PHACTR1: variants seen among roughly 807,000 people sequenced by gnomAD.
PHACTR1 encodes RPEL repeat containing 1.
Under a neutral mutation model 69.2 loss-of-function variants are expected in PHACTR1, and 16 were observed. The ratio of observed to expected loss-of-function variants is 0.23; its 90% confidence interval spans 0.16 to 0.35. The LOEUF (loss-of-function observed/expected upper bound fraction) is 0.35. Ranked by LOEUF, PHACTR1 falls within the 10% of genes least tolerant of loss-of-function variation. PHACTR1 has a pLI of 1.00. For missense variants in PHACTR1, 510 were observed against 734.7 expected (o/e 0.69, Z 3.54); for synonymous variants, 312 against 284.5 (o/e 1.10, Z -0.97).
At chr6:13,168,191 C>G (rs968154656) in intron 6 of PHACTR1, among the ~76,000 whole-genome samples, 2 of 152,184 alleles carry the variant, frequency 1.3e-5, no homozygotes, top group Non-Finnish European at 2.9e-5. Flanking sequence ...CATCAACAAC[C>G]TATAATCATT....
chr6:13,170,170 C>T (rs767339451), intron 6 of PHACTR1, among the ~76,000 whole-genome samples: 2 of 152,092 alleles, frequency 1.3e-5, no homozygotes, highest in African/African-American at 2.4e-5. Context: ...TTGATGACAG[C>T]AAGAAAATTT....
At chr6:13,113,757 C>T (rs946110433) in intron 5 of PHACTR1, among the ~76,000 whole-genome samples, 8 of 152,240 alleles carry the variant, frequency 5.3e-5, no homozygotes, top group African/African-American at 1.4e-4. Context: ...TGGCCCTGTC[C>T]GGTGTAGGAA....
In PHACTR1 at chr6:12,735,077, G is replaced by T. The variant is rs566501426; in HGVS notation, c.104-14567G>T. 3.9e-4 allele frequency among the ~76,000 whole-genome samples: 60 copies of T among 152,312 alleles called. No homozygotes were observed. The South Asian group carries it at 0.011, about 28-fold the overall frequency. On this transcript the variant is annotated intron_variant, in intron 3 of 14. Transcript: ENST00000332995. Reference sequence around the variant, plus strand: ...GTCTTAGCTGGGCTGTTGGGGTTTAGGGTCTGAGGTGACAGTCACGAGGTT... The same window carrying T: ...GTCTTAGCTGGGCTGTTGGGGTTTATGGTCTGAGGTGACAGTCACGAGGTT...
In PHACTR1 at chr6:12,946,422, G is replaced by A. The variant is rs112788987; in HGVS notation, c.251-106943G>A. Among the ~76,000 whole-genome samples the A allele has an allele frequency of 3.9e-3, 597 of 152,246 alleles. 3 individuals carry two copies. Among genetic ancestry groups the A allele is most frequent in the African/African-American group, 0.013 (556 of 41,544 alleles). ...GTGGCGGTGTGAAAAACAAAGCTCCGAGATATGAGCGATTTGCAAATGGGA... is the reference window on the plus strand; with the variant it reads ...GTGGCGGTGTGAAAAACAAAGCTCCAAGATATGAGCGATTTGCAAATGGGA... On this transcript the variant is annotated intron_variant, in intron 4 of 14. Transcript: ENST00000332995.
At chr6:12,930,416 GAGGCTA>G (rs1425552822) in intron 4 of PHACTR1, among the ~76,000 whole-genome samples, 1 of 152,198 alleles carries the variant, frequency 6.6e-6, no homozygotes, top group Admixed American at 6.5e-5. Flanking sequence ...CCTAAGAGCT[GAGGCTA>G]GGTCCTCAAA....
chr6:12,879,715 A>T (rs1782893576), intron 4 of PHACTR1, among the ~76,000 whole-genome samples: 1 of 152,168 alleles, frequency 6.6e-6, no homozygotes, highest in African/African-American at 2.4e-5. Context: ...GAAACAGATA[A>T]TATTATTATT....
chr6:13,168,841 G>C (rs1358502076), intron 6 of PHACTR1, among the ~76,000 whole-genome samples: 1 of 152,180 alleles, frequency 6.6e-6, no homozygotes, highest in East Asian at 1.9e-4. Flanking sequence ...TGTAAGGAAA[G>C]GGGGAGTCAG....
intron 4 of PHACTR1, among the ~76,000 whole-genome samples, chr6:12,790,172 C>T (rs1772084345): frequency 6.6e-6 from 1 of 152,096 alleles, no homozygotes; most frequent in South Asian, 2.1e-4. Context: ...GTGAAAAACC[C>T]CTTGGTCAAT....
At chr6:12,981,710 A>G (rs995627383) in intron 4 of PHACTR1, among the ~76,000 whole-genome samples, 3 of 152,226 alleles carry the variant, frequency 2.0e-5, no homozygotes, top group Non-Finnish European at 4.4e-5. Flanking sequence ...GAACTGGTTG[A>G]AACAGGAAGT....
rs143778750 is a variant in PHACTR1, at chr6:13,225,418, A to C, written c.987-2398A>C. Among the ~76,000 whole-genome samples, 341 of 152,272 alleles carry C rather than the reference A, an allele frequency of 2.2e-3. 1 individual carries two copies. Among genetic ancestry groups the C allele is most frequent in the African/African-American group, 7.7e-3 (319 of 41,544 alleles). ...CCACCTGACCAATCCCTATTTGACAAACCCAGTAGCATGGTACCTGGTACC... is the reference window on the plus strand; with the variant it reads ...CCACCTGACCAATCCCTATTTGACACACCCAGTAGCATGGTACCTGGTACC... On this transcript the variant is annotated intron_variant, in intron 8 of 14. Transcript: ENST00000332995.
At chr6:12,832,013 TGGAA>T (rs1329181030) in intron 4 of PHACTR1, among the ~76,000 whole-genome samples, 1 of 151,944 alleles carries the variant, frequency 6.6e-6, no homozygotes, top group Non-Finnish European at 1.5e-5. Flanking sequence ...GAGGCTGAGG[TGGAA>T]GGATCACTTG....
chr6:13,284,310 G>T (rs1456844441), intron 13 of PHACTR1, among the ~76,000 whole-genome samples: 2 of 151,610 alleles, frequency 1.3e-5, no homozygotes. Context: ...TTGAGGTCAG[G>T]AGTTCAAGAC....
intron 10 of PHACTR1, among the ~76,000 whole-genome samples, chr6:13,251,282 G>C (rs1359621151): frequency 6.6e-6 from 1 of 152,204 alleles, no homozygotes; most frequent in Non-Finnish European, 1.5e-5. Context: ...GTGACTGAGG[G>C]GAACGTTACA....
At chr6:12,867,885 A>T (rs922284168) in intron 4 of PHACTR1, among the ~76,000 whole-genome samples, 1 of 152,180 alleles carries the variant, frequency 6.6e-6, no homozygotes, top group Non-Finnish European at 1.5e-5. Context: ...GACAGTCTGT[A>T]TGCCTAGACC....
At chr6:12,877,277 G>A (rs1255143116) in intron 4 of PHACTR1, among the ~76,000 whole-genome samples, 1 of 152,180 alleles carries the variant, frequency 6.6e-6, no homozygotes, top group Non-Finnish European at 1.5e-5. Context: ...TATGCTTGTT[G>A]TGTGATTGTC....
intron 4 of PHACTR1, among the ~76,000 whole-genome samples, chr6:12,803,026 G>C (rs1478444656): frequency 1.3e-5 from 2 of 152,168 alleles, no homozygotes; most frequent in Non-Finnish European, 2.9e-5. Flanking sequence ...ATATGATGAA[G>C]GTGAACACGT....
rs567099783 is a variant in PHACTR1, at chr6:12,723,193, C to T, written c.103+4346C>T. 3.3e-5 allele frequency among the ~76,000 whole-genome samples: 5 copies of T among 152,166 alleles called. No homozygotes were observed. The East Asian group carries it at 7.7e-4, about 24-fold the overall frequency. ...GGAGGGCCAGCCCCAGGCTCCAGTG[C>T]CATTTTTTCAACTAGCCCATGGGTT... On this transcript the variant is annotated intron_variant, in intron 3 of 14. Coordinates refer to ENST00000332995, the MANE Select transcript of PHACTR1 (RefSeq NM_030948.6).
intron 4 of PHACTR1, among the ~76,000 whole-genome samples, chr6:13,033,502 T>A (rs542187693): frequency 7.5e-4 from 114 of 152,306 alleles, no homozygotes; most frequent in African/African-American, 2.6e-3. Flanking sequence ...ATATCATTGA[T>A]TCCTTCGGTA....
chr6:13,131,285 T>G (rs1017331622), intron 5 of PHACTR1, among the ~76,000 whole-genome samples: 7 of 150,334 alleles, frequency 4.7e-5, no homozygotes, highest in Non-Finnish European at 8.8e-5. Flanking sequence ...AATGAAATAA[T>G]GGCATTCACA....
Sources: allele counts gnomAD v4.1 joint callset (sites outside exome capture counted in the v4.1 genomes callset), GRCh38; gene constraint gnomAD v4.1.1; transcripts MANE v1.5; gene names NCBI Gene and HGNC (gene_info 2026-07-23, HGNC 2026-07-21).